Variants in CACNA1C observed in about 807,000 individuals in gnomAD.
The protein encoded by CACNA1C is voltage-dependent L-type calcium channel subunit alpha-1C.
Under a neutral mutation model 229.0 loss-of-function variants are expected in CACNA1C, and 30 were observed. The observed-to-expected ratio is 0.13, with a 90% CI of 0.10 to 0.18. The LOEUF (loss-of-function observed/expected upper bound fraction) is 0.18, where lower values mean the gene tolerates loss of function less well. Ranked by LOEUF, CACNA1C falls within the 10% of genes least tolerant of loss-of-function variation. The pLI, the probability that CACNA1C is intolerant of heterozygous loss-of-function variation, is 1.00. For synonymous variants in CACNA1C, 1,114 were observed against 1,132.5 expected (o/e 0.98, Z 0.33); for missense variants, 1,658 against 2,845.0 (o/e 0.58, Z 9.49).
At chr12:2,452,909 C>A (rs117324342) in intron 4 of CACNA1C, among the ~76,000 whole-genome samples, 1 of 152,310 alleles carries the variant, frequency 6.6e-6, no homozygotes, top group Non-Finnish European at 1.5e-5. Flanking sequence ...TTTCAGTGAT[C>A]TAGGCTTCAG....
intron 3 of CACNA1C, among the ~76,000 whole-genome samples, chr12:2,340,512 A>T (rs2096830546): frequency 6.6e-6 from 1 of 152,252 alleles, no homozygotes; most frequent in Admixed American, 6.5e-5. Context: ...TGCCACCTGT[A>T]CAACCTCTAA....
chr12:2,629,332 G>C (rs544147502), intron 29 of CACNA1C, among the ~76,000 whole-genome samples: 2 of 152,166 alleles, frequency 1.3e-5, no homozygotes, highest in Admixed American at 6.5e-5. Flanking sequence ...AGATGGGCAT[G>C]TCTTGTCTCC....
At chr12:2,149,821 G>A (rs1325689103) in intron 3 of CACNA1C, among the ~76,000 whole-genome samples, 2 of 152,178 alleles carry the variant, frequency 1.3e-5, no homozygotes, top group South Asian at 2.1e-4. Context: ...CGGTGGATCC[G>A]GAGGCCTGAC....
chr12:2,163,713 T>G (rs1349962052), intron 3 of CACNA1C, among the ~76,000 whole-genome samples: 1 of 152,170 alleles, frequency 6.6e-6, no homozygotes, highest in Non-Finnish European at 1.5e-5. Flanking sequence ...TCCCTGGATT[T>G]TGGATCGATT....
intron 39 of CACNA1C, 141 bp from the exon 40 acceptor site, chr12:2,676,951 CTT>C (rs2096851897): frequency 1.5e-6 from 1 of 649,172 alleles, no homozygotes; most frequent in African/African-American, 1.8e-5. Flanking sequence ...TTTTTTCTCT[CTT>C]TTTAAGCCAT....
intron 29 of CACNA1C, among the ~76,000 whole-genome samples, chr12:2,627,884 G>C (rs566490647): frequency 6.6e-6 from 1 of 152,178 alleles, no homozygotes; most frequent in Non-Finnish European, 1.5e-5. Context: ...GTCCTAGGAG[G>C]GGAAACCACG....
chr12:2,583,118 T>G (rs1025499835), intron 15 of CACNA1C, among the ~76,000 whole-genome samples, 176 bp downstream of exon 15: 1 of 152,096 alleles, frequency 6.6e-6, no homozygotes, highest in African/African-American at 2.4e-5. Flanking sequence ...TTGGCATGGG[T>G]GAGGTTCACC....
At chr12:2,416,891 C>A (rs1402024897) in intron 3 of CACNA1C, among the ~76,000 whole-genome samples, 1 of 152,230 alleles carries the variant, frequency 6.6e-6, no homozygotes, top group Admixed American at 6.5e-5. Flanking sequence ...GAAGCAGAGG[C>A]CGGATTCGAA....
intron 3 of CACNA1C, among the ~76,000 whole-genome samples, chr12:2,124,109 C>CGT (rs36202591): frequency 0.045 from 6,555 of 145,498 alleles, 181 homozygotes; most frequent in South Asian, 0.059. Flanking sequence ...TGGTCTAGCT[C>CGT]GTGTGTGTGT....
At chr12:2,238,548 T>C (rs1157766808) in intron 3 of CACNA1C, among the ~76,000 whole-genome samples, 11 of 152,332 alleles carry the variant, frequency 7.2e-5, no homozygotes, top group African/African-American at 7.2e-5. Context: ...AGTCTGACTT[T>C]CTTGTGAATG....
intron 3 of CACNA1C, among the ~76,000 whole-genome samples, chr12:2,290,085 C>T (rs987104361): frequency 2.0e-5 from 3 of 152,148 alleles, no homozygotes; most frequent in Non-Finnish European, 2.9e-5. Context: ...AAAAATGAAG[C>T]GATTCAGGGG....
intron 3 of CACNA1C, among the ~76,000 whole-genome samples, chr12:2,171,080 C>T (rs569714855): frequency 2.8e-4 from 43 of 152,356 alleles, no homozygotes; most frequent in African/African-American, 9.9e-4. Context: ...TTGCTGAGAA[C>T]ATCTTTTACC....
At chr12:2,314,611 A>G (rs996004866) in intron 3 of CACNA1C, among the ~76,000 whole-genome samples, 1 of 152,056 alleles carries the variant, frequency 6.6e-6, no homozygotes, top group Non-Finnish European at 1.5e-5. Flanking sequence ...TTTTGTCTAG[A>G]TTTCTTGACT....
intron 1 of CACNA1C, among the ~76,000 whole-genome samples, chr12:2,025,278 A>G (rs1329224730): frequency 6.6e-6 from 1 of 152,236 alleles, no homozygotes; most frequent in Admixed American, 6.5e-5. Context: ...TGCGTTCCAC[A>G]GAACATCTGG....
rs2154571835 is a variant in CACNA1C at position 2,493,243 on chromosome 12, C to T, written c.970C>T (p.Arg324Trp). 6.2e-7 allele frequency: 1 copy of T among 1,614,010 alleles called. No individual in the cohort carries two copies. The highest frequency in any genetic ancestry group is 8.5e-7 in the Non-Finnish European group (1 of 1,179,872). Residue 324 changes from arginine to tryptophan, a missense_variant, in exon 7 of 47, where the codon CGG (arginine) becomes TGG (tryptophan). Physicochemically the swap from Arg to Trp is moderately radical, Grantham distance 101. Coordinates refer to ENST00000399655, the MANE Select transcript of CACNA1C (RefSeq NM_000719.7). This position sits in a 1 kb window ranked among gnomAD's most constrained non-coding sequence, Gnocchi z 4.6. The stretch of plus-strand genomic sequence containing the variant: ...TTGTGCGCTGGAAACGGGCCACGGG[C>T]GGCAGTGCCAGAACGGCACGGTGTG... ...SPCALETGHG[R>W]QCQNGTVCKP...
chr12:2,416,830 T>A (rs1479051434), intron 3 of CACNA1C, among the ~76,000 whole-genome samples: 1 of 152,196 alleles, frequency 6.6e-6, no homozygotes, highest in African/African-American at 2.4e-5. Flanking sequence ...AAACGAGGAC[T>A]CTAAGAATCA....
At chr12:2,043,825 T>C in intron 1 of CACNA1C, among the ~76,000 whole-genome samples, 1 of 138,572 alleles carries the variant, frequency 7.2e-6, no homozygotes, top group African/African-American at 2.9e-5. Flanking sequence ...CCGGCTAATT[T>C]TTTGTATTTT....
At chr12:1,982,538 T>TAC in intron 1 of CACNA1C, among the ~76,000 whole-genome samples, 1 of 62,596 alleles carries the variant, frequency 1.6e-5, no homozygotes, top group Admixed American at 1.4e-4. Context: ...CGTTGTACTA[T>TAC]ATATATAATT....
upstream of CACNA1C, among the ~76,000 whole-genome samples, chr12:2,050,227 A>T (rs147709113): frequency 1.2e-3 from 184 of 152,274 alleles, 1 homozygote; most frequent in African/African-American, 3.5e-3. Flanking sequence ...AATGAGTAAG[A>T]TAATAGTAGA....
Sources: allele counts gnomAD v4.1 joint callset (sites outside exome capture counted in the v4.1 genomes callset), GRCh38; gene constraint gnomAD v4.1.1; non-coding constraint Gnocchi (gnomAD v3.1); transcripts MANE v1.5; gene names NCBI Gene and HGNC (gene_info 2026-07-23, HGNC 2026-07-21).